SATB2: variants seen among roughly 807,000 people sequenced by gnomAD.
SATB2 encodes the protein SATB homeobox 2.
Under a neutral mutation model 73.4 loss-of-function variants are expected in SATB2, and 1 was observed. The observed-to-expected ratio is 0.01, with a 90% confidence interval of 0.00 to 0.06. The LOEUF (loss-of-function observed/expected upper bound fraction) is 0.06, where lower values mean the gene tolerates loss of function less well. Among genes scored for constraint, SATB2 ranks in the 10% least tolerant of loss-of-function variants. The pLI is 1.00. For synonymous variants in SATB2, 397 were observed against 367.0 expected (o/e 1.08, Z -0.93); for missense variants, 459 against 945.8 (o/e 0.49, Z 6.75).
At chr2:199,465,874 T>C (rs1692583759), upstream of SATB2, among the ~76,000 whole-genome samples, 1 of 152,204 alleles carries the variant, frequency 6.6e-6, no homozygotes, top group East Asian at 1.9e-4. Flanking sequence ...GTTAGAGTCA[T>C]ATGCTAAATA....
At chr2:199,298,995 C>A (rs1687203668) in intron 10 of SATB2, among the ~76,000 whole-genome samples, 1 of 152,146 alleles carries the variant, frequency 6.6e-6, no homozygotes, top group African/African-American at 2.4e-5. Flanking sequence ...ACACACCTAA[C>A]CTTCCAAGGA....
Position 199,332,020 on chromosome 2 carries a change from G to A in SATB2, c.1174-3110C>T, listed in dbSNP as rs894446868. Among the ~76,000 whole-genome samples the A allele has an allele frequency of 4.6e-5, 7 of 152,036 alleles. No individual in the cohort carries two copies. In the South Asian group the frequency reaches 6.2e-4, roughly 14 times the overall value. The stretch of plus-strand genomic sequence containing the variant: ...GCCTGGGATACAGAAAATGTGGCGC[G>A]GCACCTGGGCACTGAAAAAAAGATG... On this transcript the variant is annotated intron_variant, in intron 7 of 10. Transcript: ENST00000417098.
At chr2:199,343,328 T>C (rs559919714) in intron 7 of SATB2, among the ~76,000 whole-genome samples, 5 of 152,194 alleles carry the variant, frequency 3.3e-5, no homozygotes, top group African/African-American at 1.2e-4. Flanking sequence ...ATAATAGAGA[T>C]CATGAACTAT....
intron 3 of SATB2, among the ~76,000 whole-genome samples, chr2:199,431,495 T>C (rs1691500442): frequency 2.0e-5 from 3 of 152,232 alleles, no homozygotes; most frequent in South Asian, 4.1e-4. Flanking sequence ...CTTAAGAATA[T>C]TGATTCAACT....
At chr2:199,379,381 A>C (rs1254006080) in intron 5 of SATB2, among the ~76,000 whole-genome samples, 1 of 152,214 alleles carries the variant, frequency 6.6e-6, no homozygotes, top group Non-Finnish European at 1.5e-5. Context: ...TGTAAAGATC[A>C]TCTCTCTACA....
chr2:199,441,855 C>T (rs1691824168), intron 2 of SATB2, among the ~76,000 whole-genome samples: 2 of 152,188 alleles, frequency 1.3e-5, no homozygotes, highest in African/African-American at 4.8e-5. Flanking sequence ...ATCAAATTGG[C>T]CAGGCAGTTT....
intron 3 of SATB2, among the ~76,000 whole-genome samples, chr2:199,403,083 T>C (rs949258268): frequency 6.6e-5 from 10 of 152,240 alleles, no homozygotes; most frequent in Non-Finnish European, 1.5e-5. Flanking sequence ...TGCAGACTTT[T>C]AAAATTATTG....
chr2:199,327,821 C>T (rs1036199901), intron 8 of SATB2, among the ~76,000 whole-genome samples: 1 of 152,174 alleles, frequency 6.6e-6, no homozygotes. Context: ...TTTCCACCAT[C>T]ATTTTCTAAA....
intron 6 of SATB2, among the ~76,000 whole-genome samples, chr2:199,350,825 C>T (rs1031324138): frequency 6.6e-6 from 1 of 151,928 alleles, no homozygotes; most frequent in African/African-American, 2.4e-5. Flanking sequence ...GAGTTTGATA[C>T]CAGCCTGGCC....
chr2:199,397,849 CAAAG>C (rs1690347467), intron 3 of SATB2: 1 of 357,566 alleles, frequency 2.8e-6, no homozygotes, highest in Non-Finnish European at 5.6e-6. Context: ...GCCTAGGCGA[CAAAG>C]AGAGACTGTC....
intron 3 of SATB2, among the ~76,000 whole-genome samples, chr2:199,426,873 A>G (rs1186146350): frequency 6.6e-6 from 1 of 151,970 alleles, no homozygotes; most frequent in African/African-American, 2.4e-5. Context: ...AGAGACATCT[A>G]TCTATTTATT....
chr2:199,431,784 G>A (rs1391312261), intron 3 of SATB2, among the ~76,000 whole-genome samples: 2 of 152,158 alleles, frequency 1.3e-5, no homozygotes, highest in East Asian at 3.9e-4. Context: ...GTGAGCTCGC[G>A]ACGCGCTGAA....
intron 3 of SATB2, among the ~76,000 whole-genome samples, chr2:199,392,165 G>T (rs1296519477): frequency 6.6e-6 from 1 of 152,094 alleles, no homozygotes; most frequent in Non-Finnish European, 1.5e-5. Context: ...TGCCCAGCGT[G>T]CCCAGTAAAA....
intron 3 of SATB2, among the ~76,000 whole-genome samples, chr2:199,385,001 A>G (rs1689886975): frequency 6.6e-6 from 1 of 152,180 alleles, no homozygotes; most frequent in African/African-American, 2.4e-5. Flanking sequence ...TTAAATCACA[A>G]AGGAGGAGTA....
chr2:199,400,213 C>G (rs775606696), intron 3 of SATB2, among the ~76,000 whole-genome samples: 2 of 152,186 alleles, frequency 1.3e-5, no homozygotes, highest in Non-Finnish European at 2.9e-5. Flanking sequence ...AACCTCCTTT[C>G]CCCATTAAAA....
At chr2:199,440,630 G>A in intron 2 of SATB2, among the ~76,000 whole-genome samples, 1 of 152,090 alleles carries the variant, frequency 6.6e-6, no homozygotes, top group Non-Finnish European at 1.5e-5. Flanking sequence ...GGCTCCCCCA[G>A]CTGCTCCAGT....
At chr2:199,300,820 T>C (rs552563271) in intron 10 of SATB2, among the ~76,000 whole-genome samples, 5 of 152,096 alleles carry the variant, frequency 3.3e-5, no homozygotes, top group Non-Finnish European at 5.9e-5. Flanking sequence ...GGGTTCTCTA[T>C]GTTCCCAGAA....
At chr2:199,319,228 T>C (rs926800844) in intron 9 of SATB2, among the ~76,000 whole-genome samples, 5 of 152,256 alleles carry the variant, frequency 3.3e-5, no homozygotes, top group Admixed American at 2.6e-4. Context: ...AAGTGTGTAG[T>C]AGGAAGAAAA....
intron 5 of SATB2, among the ~76,000 whole-genome samples, chr2:199,375,721 T>C (rs1224427894): frequency 2.0e-5 from 3 of 152,214 alleles, no homozygotes; most frequent in African/African-American, 4.8e-5. Flanking sequence ...GTTGAGTCTA[T>C]TTTTGAAAAA....
Sources: allele counts gnomAD v4.1 joint callset (sites outside exome capture counted in the v4.1 genomes callset), GRCh38; gene constraint gnomAD v4.1.1; transcripts MANE v1.5; gene names NCBI Gene and HGNC (gene_info 2026-07-23, HGNC 2026-07-21).